The following VPS54 variants were observed in gnomAD, a reference collection of about 807,000 sequenced individuals.
VPS54 encodes the protein vacuolar protein sorting-associated protein 54.
A neutral mutation model predicts 121.5 loss-of-function variants in VPS54; 45 were observed. That is an observed-to-expected ratio of 0.37 (90% CI 0.29 to 0.47). The LOEUF is 0.47. Among genes scored for constraint, VPS54 ranks in the 20% least tolerant of loss-of-function variants. The pLI, the probability that VPS54 is intolerant of heterozygous loss-of-function variation, is 0.99. For missense variants in VPS54, 1,090 were observed against 1,131.4 expected (o/e 0.96, Z 0.52); for synonymous variants, 371 against 385.8 (o/e 0.96, Z 0.45).
chr2:63,914,078 T>G (rs2104436335), intron 17 of VPS54, 104 bp downstream of exon 17: 1 of 1,108,766 alleles, frequency 9.0e-7, no homozygotes, highest in East Asian at 2.4e-5. Flanking sequence ...ACTAATGTCT[T>G]AAAGTTAATT....
At position 63,969,073 on chromosome 2, in the gene VPS54, A is replaced by G. The variant is rs951269344; in HGVS notation, c.458-82T>C. 14 of 1,162,722 alleles carry G rather than the reference A, an allele frequency of 1.2e-5. No homozygotes were observed. The African/African-American group carries it at 2.2e-4, about 18-fold the overall frequency. 72.0% of individuals were successfully genotyped at this position (1,162,722 alleles called of 1,614,324 possible). On this transcript the variant is annotated intron_variant, in intron 4 of 22. Coordinates refer to ENST00000272322, the MANE Select transcript of VPS54 (RefSeq NM_016516.3). ...TAAAATACATTTTGACAGATTCAGTATTGTACTGGGTCACATCCAAATAAC... is the reference window on the plus strand; with the variant it reads ...TAAAATACATTTTGACAGATTCAGTGTTGTACTGGGTCACATCCAAATAAC...
At chr2:64,008,135 G>A (rs1274442782) in intron 1 of VPS54, among the ~76,000 whole-genome samples, 3 of 152,086 alleles carry the variant, frequency 2.0e-5, no homozygotes, top group African/African-American at 4.8e-5. Context: ...ACAAGAGGCC[G>A]GGCGCAGTGG....
chr2:63,982,599 C>T (rs947390239), intron 2 of VPS54, among the ~76,000 whole-genome samples: 6 of 152,106 alleles, frequency 3.9e-5, no homozygotes, highest in African/African-American at 1.2e-4. Flanking sequence ...TCACTAACAC[C>T]GAACTTGTGG....
At chr2:63,898,718 C>A (rs1288811518) in intron 21 of VPS54, among the ~76,000 whole-genome samples, 1 of 151,696 alleles carries the variant, frequency 6.6e-6, no homozygotes, top group Non-Finnish European at 1.5e-5. Flanking sequence ...AGCAACTAGA[C>A]TTTAATATTA....
intron 3 of VPS54, among the ~76,000 whole-genome samples, chr2:63,979,455 G>C (rs1676702419): frequency 6.6e-6 from 1 of 151,854 alleles, no homozygotes; most frequent in African/African-American, 2.4e-5. Flanking sequence ...TGGCCAGGCT[G>C]GTCTTGAACT....
intron 1 of VPS54, among the ~76,000 whole-genome samples, chr2:63,991,978 G>A (rs961262728): frequency 6.6e-6 from 1 of 152,142 alleles, no homozygotes; most frequent in African/African-American, 2.4e-5. Flanking sequence ...GTCCCCACAG[G>A]GGTCACTGGC....
chr2:63,915,353 A>C (rs1390230682), intron 16 of VPS54, among the ~76,000 whole-genome samples: 1 of 152,134 alleles, frequency 6.6e-6, no homozygotes, highest in African/African-American at 2.4e-5. Context: ...AGGATTTATA[A>C]GAGCCTGAAA....
intron 1 of VPS54, among the ~76,000 whole-genome samples, chr2:64,016,753 C>T (rs1355081546): frequency 6.6e-6 from 1 of 151,690 alleles, no homozygotes; most frequent in South Asian, 2.1e-4. Context: ...GGATGACAGG[C>T]GCTCACCCCC....
chr2:63,930,395 A>G (rs1178063138), intron 12 of VPS54, among the ~76,000 whole-genome samples: 1 of 152,244 alleles, frequency 6.6e-6, no homozygotes, highest in Non-Finnish European at 1.5e-5. Flanking sequence ...TCACATAAGC[A>G]GAACCAATGA....
intron 12 of VPS54, among the ~76,000 whole-genome samples, chr2:63,931,191 A>T (rs1239525288): frequency 6.6e-6 from 1 of 152,226 alleles, no homozygotes; most frequent in East Asian, 1.9e-4. Flanking sequence ...GAGCCCGCAT[A>T]GCCAAGACAA....
chr2:64,013,918 C>T (rs1237494168), intron 1 of VPS54, among the ~76,000 whole-genome samples: 2 of 151,652 alleles, frequency 1.3e-5, no homozygotes, highest in African/African-American at 4.8e-5. Context: ...ACCAGCCAGG[C>T]GCGGTGGCTC....
At chr2:63,934,999 G>A (rs977065395) in intron 11 of VPS54, among the ~76,000 whole-genome samples, 7 of 152,272 alleles carry the variant, frequency 4.6e-5, no homozygotes, top group Middle Eastern at 3.4e-3. Flanking sequence ...TTCTAGGGAA[G>A]CAGACTCTAA....
intron 7 of VPS54, 146 bp downstream of exon 7, chr2:63,961,912 G>C: frequency 1.1e-6 from 1 of 897,276 alleles, no homozygotes; most frequent in Non-Finnish European, 1.6e-6. Context: ...TACAATATCA[G>C]AATAACATTA....
chr2:63,897,403 G>T, intron 22 of VPS54, 93 bp downstream of exon 22: 3 of 875,454 alleles, frequency 3.4e-6, no homozygotes, highest in Non-Finnish European at 3.5e-6. Flanking sequence ...TCTTCAGTGT[G>T]ATTACAGCAG....
chr2:63,972,310 T>C, intron 3 of VPS54, 66 bp from the exon 4 acceptor site: 1 of 1,247,628 alleles, frequency 8.0e-7, no homozygotes, highest in East Asian at 2.4e-5. Context: ...CATGAAAGTG[T>C]TTTGCAACAG....
At chr2:63,945,186 C>G (rs1426290535) in intron 9 of VPS54, among the ~76,000 whole-genome samples, 1 of 152,150 alleles carries the variant, frequency 6.6e-6, no homozygotes, top group Non-Finnish European at 1.5e-5. Context: ...GGTACACGTA[C>G]ACCATGGAAT....
Position 63,899,600 on chromosome 2 carries a change from G to A in VPS54, c.2626-19C>T, listed in dbSNP as rs750817052. 1.9e-6 allele frequency: 3 copies of A among 1,592,458 alleles called. No individual in the cohort carries two copies. Among genetic ancestry groups the A allele is most frequent in the Admixed American group, 3.4e-5 (2 of 59,672 alleles). ...CTTCATACTGGTAGGAAAAAATAAT[G>A]AGAATTATGTTCATGTCCTCTGAAT... is the stretch of plus-strand genomic sequence containing the variant. On this transcript the variant is annotated intron_variant, in intron 20 of 22. Transcript: ENST00000272322.
At chr2:63,978,243 G>A (rs1224786695) in intron 3 of VPS54, among the ~76,000 whole-genome samples, 2 of 152,176 alleles carry the variant, frequency 1.3e-5, no homozygotes, top group African/African-American at 4.8e-5. Flanking sequence ...TTAAGAAACT[G>A]CCAAACTTTT....
rs141209614 is a variant in VPS54 at position 63,941,813 on chromosome 2, C to G, written c.1398+652G>C. On this transcript the variant is annotated intron_variant, in intron 11 of 22. Transcript: ENST00000272322. ...CTTTGGGAGGCAGAGGCGGGCAGAT[C>G]ACTTGAGGTCAGGAGTTCGAGACCA... Among the ~76,000 whole-genome samples the G allele has an allele frequency of 5.5e-3, 840 of 152,106 alleles. 10 individuals are homozygous for G. The highest frequency in any genetic ancestry group is 0.019 in the African/African-American group (784 of 41,506).
Sources: gnomAD v4.1 joint callset for allele counts (sites outside exome capture counted in the v4.1 genomes callset) on GRCh38, gnomAD v4.1.1 for gene constraint, MANE v1.5 for transcripts, NCBI Gene and HGNC (gene_info 2026-07-23, HGNC 2026-07-21) for gene names.